AFF3: variants seen among roughly 807,000 people sequenced by gnomAD.
The protein encoded by AFF3 is AF4/FMR2 family member 3.
In AFF3, 32 loss-of-function variants were observed where a neutral mutation model predicts 129.7. That is an observed-to-expected ratio of 0.25 (90% CI 0.19 to 0.33). The LOEUF (loss-of-function observed/expected upper bound fraction) is 0.33, where lower values mean the gene tolerates loss of function less well. Ranked by LOEUF, AFF3 falls within the 10% of genes least tolerant of loss-of-function variation. The probability of loss-of-function intolerance (pLI) is 1.00; values close to 1 mark genes in which losing one functional copy is unlikely to be tolerated. For missense variants in AFF3, 1,373 were observed against 1,592.0 expected (o/e 0.86, Z 2.34); for synonymous variants, 644 against 635.4 (o/e 1.01, Z -0.20).
At chr2:99,863,204 T>C (rs536201447) in intron 7 of AFF3, among the ~76,000 whole-genome samples, 157 of 152,388 alleles carry the variant, frequency 1.0e-3, no homozygotes, top group Non-Finnish European at 1.9e-3. Flanking sequence ...TTTCTATCAT[T>C]TGCCAACAGC....
At chr2:99,745,882 C>T (rs1681113079) in intron 9 of AFF3, among the ~76,000 whole-genome samples, 1 of 152,096 alleles carries the variant, frequency 6.6e-6, no homozygotes, top group African/African-American at 2.4e-5. Flanking sequence ...AGAAAGTAAA[C>T]CACATACCAT....
chr2:99,626,946 GGT>G (rs1423014825), intron 13 of AFF3, among the ~76,000 whole-genome samples: 2 of 152,156 alleles, frequency 1.3e-5, no homozygotes, highest in African/African-American at 4.8e-5. Context: ...AGTATTCCAT[GGT>G]GTGTATGTAC....
intron 8 of AFF3, among the ~76,000 whole-genome samples, chr2:99,793,315 T>C (rs1203708709): frequency 6.6e-6 from 1 of 152,236 alleles, no homozygotes; most frequent in Non-Finnish European, 1.5e-5. Context: ...GCTAGCACTG[T>C]CCTTCTTAAA....
chr2:99,842,113 T>A (rs1018230819), intron 7 of AFF3, among the ~76,000 whole-genome samples: 3 of 152,074 alleles, frequency 2.0e-5, no homozygotes, highest in Admixed American at 1.3e-4. Context: ...GGTAAGGGTT[T>A]GTGTCCTTAG....
intron 7 of AFF3, among the ~76,000 whole-genome samples, chr2:100,000,049 A>G (rs1223788972): frequency 6.6e-6 from 1 of 152,126 alleles, no homozygotes; most frequent in Non-Finnish European, 1.5e-5. Flanking sequence ...GGGAGACTCC[A>G]TTTTCATCTA....
In AFF3 at chr2:100,000,591, G is replaced by A. The variant is rs111259671; in HGVS notation, c.873+6041C>T. 1.9e-3 allele frequency among the ~76,000 whole-genome samples: 288 copies of A among 152,046 alleles called. 1 individual carries two copies. The highest frequency in any genetic ancestry group is 3.3e-3 in the South Asian group (16 of 4,806). On this transcript the variant is annotated intron_variant, in intron 7 of 24. Transcript: ENST00000672756. ...TCGCTTTTCTATTTTGTTTGCTTTT[G>A]TTTCAAAGGTGTTTAAATAACAGAA...
intron 4 of AFF3, among the ~76,000 whole-genome samples, chr2:100,015,469 C>G (rs1682934766): frequency 6.6e-6 from 1 of 152,136 alleles, no homozygotes; most frequent in African/African-American, 2.4e-5. Context: ...CCCAGAAACT[C>G]CCCTGCTCTC....
intron 8 of AFF3, among the ~76,000 whole-genome samples, chr2:99,810,728 T>C (rs1686724443): frequency 6.6e-6 from 1 of 152,230 alleles, no homozygotes; most frequent in African/African-American, 2.4e-5. Flanking sequence ...ATATATGATC[T>C]TAGAGTTTGA....
chr2:99,905,863 T>A (rs1482068782), intron 7 of AFF3, among the ~76,000 whole-genome samples: 3 of 152,116 alleles, frequency 2.0e-5, no homozygotes, highest in African/African-American at 7.2e-5. Context: ...CATACAGATG[T>A]TATCATGTAT....
intron 1 of AFF3, among the ~76,000 whole-genome samples, chr2:100,130,674 T>C (rs1692394173): frequency 6.6e-6 from 1 of 152,114 alleles, no homozygotes; most frequent in Admixed American, 6.5e-5. Context: ...TTTCCTGTAG[T>C]TCTTTTAGGA....
At chr2:100,079,913 T>C (rs1688911657) in intron 4 of AFF3, among the ~76,000 whole-genome samples, 1 of 152,196 alleles carries the variant, frequency 6.6e-6, no homozygotes, top group African/African-American at 2.4e-5. Flanking sequence ...TGCCTGGCCA[T>C]GAAGACAGAA....
intron 7 of AFF3, among the ~76,000 whole-genome samples, chr2:99,935,058 T>G (rs1002630443): frequency 2.0e-5 from 3 of 152,258 alleles, no homozygotes; most frequent in Non-Finnish European, 2.9e-5. Context: ...TGTGTGTTTA[T>G]GAGCCTCTTA....
intron 13 of AFF3, among the ~76,000 whole-genome samples, chr2:99,604,173 G>A (rs1238494395): frequency 6.6e-6 from 1 of 152,058 alleles, no homozygotes; most frequent in Non-Finnish European, 1.5e-5. Flanking sequence ...ACATGCACGC[G>A]TATGTTCACT....
chr2:99,619,663 C>T (rs1681799043), intron 13 of AFF3, among the ~76,000 whole-genome samples: 2 of 152,168 alleles, frequency 1.3e-5, no homozygotes, highest in South Asian at 4.1e-4. Flanking sequence ...GGGGCCTTAC[C>T]AAGGACTTGG....
intron 24 of AFF3, among the ~76,000 whole-genome samples, chr2:99,552,379 G>T (rs191702873): frequency 6.6e-6 from 1 of 152,192 alleles, no homozygotes; most frequent in Non-Finnish European, 1.5e-5. Flanking sequence ...CACAGAGCAA[G>T]ACTCCGCCTC....
Position 99,826,902 on chromosome 2 carries a change from A to C in AFF3, c.921+10575T>G, listed in dbSNP as rs548700618. Among the ~76,000 whole-genome samples, 205 of 152,186 alleles carry C rather than the reference A, an allele frequency of 1.3e-3. 1 individual carries two copies. Among genetic ancestry groups the C allele is most frequent in the Non-Finnish European group, 2.7e-3 (183 of 68,006 alleles). On this transcript the variant is annotated intron_variant, in intron 8 of 24. Transcript: ENST00000672756. ...AGCAGGTCTCTGGAGTCATGTAGGA[A>C]AAGGATGGTGGATGAACAAGGAGAT...
chr2:99,971,218 G>A (rs1678340607), intron 7 of AFF3, among the ~76,000 whole-genome samples: 1 of 152,144 alleles, frequency 6.6e-6, no homozygotes, highest in African/African-American at 2.4e-5. Context: ...TGCCCGTCCA[G>A]TTCCTCTTTC....
chr2:99,664,067 G>A (rs1417764929), intron 12 of AFF3, among the ~76,000 whole-genome samples: 1 of 152,094 alleles, frequency 6.6e-6, no homozygotes, highest in Non-Finnish European at 1.5e-5. Flanking sequence ...AATACTTACT[G>A]TCTTAAGTCT....
At chr2:99,560,560 C>T in intron 20 of AFF3, 124 bp from the exon 21 acceptor site, 1 of 863,020 alleles carries the variant, frequency 1.2e-6, no homozygotes, top group East Asian at 2.6e-5. Flanking sequence ...CTTAGCTTTT[C>T]ATAGTACTTG....
Sources: allele counts gnomAD v4.1 joint callset (sites outside exome capture counted in the v4.1 genomes callset), GRCh38; gene constraint gnomAD v4.1.1; transcripts MANE v1.5; gene names NCBI Gene and HGNC (gene_info 2026-07-23, HGNC 2026-07-21).